MAPKAP1: variants seen among roughly 807,000 people sequenced by gnomAD.
MAPKAP1 encodes the protein MAPK associated protein 1, also known as target of rapamycin complex 2 subunit MAPKAP1.
In MAPKAP1, 20 loss-of-function variants were observed where a neutral mutation model predicts 65.7. The ratio of observed to expected loss-of-function variants is 0.30; its 90% CI spans 0.21 to 0.44. The LOEUF is 0.44. MAPKAP1 is among the 20% of genes least tolerant of loss of function. MAPKAP1 has a pLI of 1.00. For missense variants in MAPKAP1, 423 were observed against 648.0 expected (o/e 0.65, Z 3.77); for synonymous variants, 222 against 244.3 (o/e 0.91, Z 0.85).
chr9:125,522,195 G>C (rs1027573550), intron 7 of MAPKAP1, among the ~76,000 whole-genome samples: 1 of 152,258 alleles, frequency 6.6e-6, no homozygotes, highest in Non-Finnish European at 1.5e-5. Flanking sequence ...ACCACTGCCA[G>C]TGAATGGTTG....
At chr9:125,596,348 T>C (rs1832125024) in intron 4 of MAPKAP1, 1 of 774,188 alleles carries the variant, frequency 1.3e-6, no homozygotes, top group Admixed American at 1.7e-5. Context: ...GTGGTGCCTT[T>C]GGTGGCAACC....
At chr9:125,620,767 A>C (rs1224928902) in intron 4 of MAPKAP1, among the ~76,000 whole-genome samples, 1 of 152,212 alleles carries the variant, frequency 6.6e-6, no homozygotes, top group Non-Finnish European at 1.5e-5. Context: ...AAGTGTTAAC[A>C]ATATGCTACA....
At chr9:125,552,309 GT>G (rs1473900606) in intron 6 of MAPKAP1, among the ~76,000 whole-genome samples, 6 of 152,172 alleles carry the variant, frequency 3.9e-5, no homozygotes, top group South Asian at 2.1e-4. Flanking sequence ...GGGCCCAGGG[GT>G]TCTAGAGGGA....
chr9:125,505,980 C>T (rs757960921), intron 8 of MAPKAP1: 6 of 324,840 alleles, frequency 1.8e-5, no homozygotes, highest in Non-Finnish European at 3.5e-5. Context: ...ACTGACAGGG[C>T]CAGCTGCTTT....
At chr9:125,669,539 T>A (rs566463482) in intron 3 of MAPKAP1, among the ~76,000 whole-genome samples, 15 of 152,168 alleles carry the variant, frequency 9.9e-5, no homozygotes, top group African/African-American at 2.9e-4. Flanking sequence ...TATATTTTTT[T>A]AAAAAATCAG....
intron 8 of MAPKAP1, among the ~76,000 whole-genome samples, chr9:125,503,394 CGCTCGTAG>C (rs1829040869): frequency 6.6e-6 from 1 of 152,220 alleles, no homozygotes; most frequent in Non-Finnish European, 1.5e-5. Context: ...CGGGCAAAAG[CGCTCGTAG>C]GCGTTGATCT....
chr9:125,537,550 T>C (rs1254020132), intron 7 of MAPKAP1, among the ~76,000 whole-genome samples: 1 of 152,170 alleles, frequency 6.6e-6, no homozygotes, highest in Admixed American at 6.5e-5. Context: ...AGTGTGATCA[T>C]GCCTCACTGT....
At chr9:125,599,392 A>G (rs1362253511) in intron 4 of MAPKAP1, among the ~76,000 whole-genome samples, 1 of 152,162 alleles carries the variant, frequency 6.6e-6, no homozygotes, top group Non-Finnish European at 1.5e-5. Flanking sequence ...AGTTTTACTC[A>G]TTAGTCTTAG....
chr9:125,664,599 C>A (rs1051639848), intron 3 of MAPKAP1, among the ~76,000 whole-genome samples: 1 of 151,030 alleles, frequency 6.6e-6, no homozygotes, highest in Non-Finnish European at 1.5e-5. Context: ...GTGGCAGATG[C>A]CTGTAATCCC....
intron 1 of MAPKAP1, among the ~76,000 whole-genome samples, chr9:125,679,540 T>G (rs1413064825): frequency 6.6e-6 from 1 of 152,210 alleles, no homozygotes; most frequent in Non-Finnish European, 1.5e-5. Context: ...ACTTCAGTGA[T>G]TATCTCGTTG....
chr9:125,555,561 TA>T (rs1830713624), intron 6 of MAPKAP1, among the ~76,000 whole-genome samples: 1 of 152,070 alleles, frequency 6.6e-6, no homozygotes, highest in Non-Finnish European at 1.5e-5. Flanking sequence ...GGAACGGGTG[TA>T]AAAAAGGGGA....
chr9:125,640,836 A>T (rs1305034419), intron 4 of MAPKAP1, among the ~76,000 whole-genome samples: 5 of 152,342 alleles, frequency 3.3e-5, no homozygotes, highest in Non-Finnish European at 7.4e-5. Flanking sequence ...TTATTTTCTT[A>T]TGCAACATGT....
At chr9:125,603,235 G>GCCTC (rs1321096810) in intron 4 of MAPKAP1, among the ~76,000 whole-genome samples, 3 of 152,150 alleles carry the variant, frequency 2.0e-5, no homozygotes, top group African/African-American at 7.2e-5. Context: ...TCAAGAAGCA[G>GCCTC]TGGTCAAGCA....
At chr9:125,693,112 T>C (rs776351901) in intron 1 of MAPKAP1, among the ~76,000 whole-genome samples, 47 of 152,028 alleles carry the variant, frequency 3.1e-4, no homozygotes, top group Non-Finnish European at 5.7e-4. Flanking sequence ...CCTTATAATA[T>C]TTTTATATTA....
At chr9:125,522,122 C>G (rs1829635731) in intron 7 of MAPKAP1, among the ~76,000 whole-genome samples, 1 of 152,210 alleles carries the variant, frequency 6.6e-6, no homozygotes, top group African/African-American at 2.4e-5. Context: ...GGGGCTCTAG[C>G]CCAGGGTGGG....
At chr9:125,444,479 T>G in intron 11 of MAPKAP1, 22 bp downstream of exon 11, 1 of 1,579,880 alleles carries the variant, frequency 6.3e-7, no homozygotes, top group Non-Finnish European at 8.7e-7. Context: ...ACCCTGTCTC[T>G]GGTTCAAGAA....
chr9:125,535,768 G>A (rs868598491), intron 7 of MAPKAP1, among the ~76,000 whole-genome samples: 14 of 152,318 alleles, frequency 9.2e-5, no homozygotes, highest in Middle Eastern at 3.4e-3. Flanking sequence ...ATTATTTCCT[G>A]AGAAGCTATT....
In MAPKAP1 at chr9:125,698,296, T is replaced by TAA. The variant is rs1216042883; in HGVS notation, c.-70+8674_-70+8675insTT. ...AATACATAATATATATAAATATATATATATATATATATATATATATATATA... is the reference window on the plus strand; with the variant it reads ...AATACATAATATATATAAATATATATAAATATATATATATATATATATATATA... On this transcript the variant is annotated intron_variant, in intron 1 of 11. Coordinates refer to ENST00000265960, the MANE Select transcript of MAPKAP1 (RefSeq NM_001006617.3). Among the ~76,000 whole-genome samples the TAA allele has an allele frequency of 3.6e-3, 36 of 10,066 alleles. 1 individual carries two copies. Among genetic ancestry groups the TAA allele is most frequent in the Middle Eastern group, 0.036 (1 of 28 alleles). The allele number at this position is 10,066 out of a possible 152,430, so 6.6% of individuals were successfully genotyped here. A position where few individuals can be genotyped will look rare whatever the true frequency, so the allele number is the denominator to read the frequency against.
chr9:125,554,594 T>C (rs1041830511), intron 6 of MAPKAP1, among the ~76,000 whole-genome samples: 4 of 151,742 alleles, frequency 2.6e-5, no homozygotes, highest in South Asian at 4.2e-4. Context: ...AGCTCAGGAG[T>C]TCAGGACCAG....
Sources: allele counts gnomAD v4.1 joint callset (sites outside exome capture counted in the v4.1 genomes callset), GRCh38; gene constraint gnomAD v4.1.1; transcripts MANE v1.5; gene names NCBI Gene and HGNC (gene_info 2026-07-23, HGNC 2026-07-21).